The following TMCC1 variants were observed in gnomAD, a reference collection of about 807,000 sequenced individuals.
TMCC1 encodes transmembrane and coiled-coil domain family 1, also known as transmembrane and coiled-coil domains protein 1.
A neutral mutation model predicts 52.4 loss-of-function variants in TMCC1; 15 were observed. That is an observed-to-expected ratio of 0.29 (90% CI 0.19 to 0.44). The LOEUF is 0.44. TMCC1 is among the 20% of genes least tolerant of loss of function. The pLI, the probability that TMCC1 is intolerant of heterozygous loss-of-function variation, is 1.00. For synonymous variants in TMCC1, 279 were observed against 301.9 expected, an observed-to-expected ratio of 0.92 and a Z score of 0.79; for missense variants, 503 against 806.0, an observed-to-expected ratio of 0.62 and a Z score of 4.55.
At chr3:129,854,758 C>T (rs2060077073) in intron 2 of TMCC1, among the ~76,000 whole-genome samples, 1 of 152,200 alleles carries the variant, frequency 6.6e-6, no homozygotes. Context: ...CTTGAGGATG[C>T]CTTCTCTAAT....
intron 5 of TMCC1, among the ~76,000 whole-genome samples, chr3:129,655,886 A>G (rs756337535): frequency 2.9e-4 from 44 of 152,318 alleles, no homozygotes; most frequent in Middle Eastern, 3.4e-3. Flanking sequence ...CCCAGCCTAG[A>G]AAAGGTTTAA....
At chr3:129,760,358 C>T (rs1425055017) in intron 4 of TMCC1, among the ~76,000 whole-genome samples, 1 of 151,944 alleles carries the variant, frequency 6.6e-6, no homozygotes, top group Non-Finnish European at 1.5e-5. Context: ...ACCTCAGCCT[C>T]CTGAACAGCT....
chr3:129,707,334 G>A (rs1009577681), intron 4 of TMCC1, among the ~76,000 whole-genome samples: 1 of 152,130 alleles, frequency 6.6e-6, no homozygotes, highest in Non-Finnish European at 1.5e-5. Flanking sequence ...TCCCAAATGA[G>A]AATTGAAAGG....
intron 4 of TMCC1, among the ~76,000 whole-genome samples, chr3:129,720,065 C>T (rs1353241996): frequency 4.0e-5 from 6 of 151,408 alleles, no homozygotes; most frequent in Non-Finnish European, 1.5e-5. Context: ...TTTTGTGGTC[C>T]CAGCTACTCA....
At chr3:129,810,364 A>T (rs1020075033) in intron 4 of TMCC1, among the ~76,000 whole-genome samples, 2 of 152,092 alleles carry the variant, frequency 1.3e-5, no homozygotes, top group African/African-American at 4.8e-5. Flanking sequence ...AAAACAAAAC[A>T]AAACTAAGCA....
intron 2 of TMCC1, chr3:129,866,945 T>A (rs2060677266): frequency 6.6e-6 from 1 of 152,158 alleles, no homozygotes; most frequent in South Asian, 2.1e-4. Flanking sequence ...AACAAATTCT[T>A]TATCAACAAT....
intron 2 of TMCC1, among the ~76,000 whole-genome samples, chr3:129,878,420 T>C (rs1020376850): frequency 3.9e-5 from 6 of 152,200 alleles, no homozygotes. Flanking sequence ...CCTTAACTCT[T>C]TCCTTTCTTT....
chr3:129,775,142 G>A (rs2054927335), intron 4 of TMCC1, among the ~76,000 whole-genome samples: 1 of 152,076 alleles, frequency 6.6e-6, no homozygotes, highest in African/African-American at 2.4e-5. Context: ...TGGTGGGGGT[G>A]TATGCAGATA....
chr3:129,872,678 G>A (rs184391556), intron 2 of TMCC1, among the ~76,000 whole-genome samples: 1 of 152,214 alleles, frequency 6.6e-6, no homozygotes, highest in East Asian at 1.9e-4. Context: ...GACACAGGGA[G>A]GCTGAAAAGC....
chr3:129,838,520 C>T (rs1443312012), intron 2 of TMCC1, among the ~76,000 whole-genome samples: 4 of 151,826 alleles, frequency 2.6e-5, no homozygotes, highest in Non-Finnish European at 4.4e-5. Flanking sequence ...TTTGGGAGGC[C>T]GAGACGGGCA....
intron 2 of TMCC1, among the ~76,000 whole-genome samples, chr3:129,846,072 C>T (rs574890400): frequency 3.9e-5 from 6 of 151,916 alleles, no homozygotes; most frequent in African/African-American, 1.4e-4. Context: ...AAACATCAAA[C>T]ATCATGTGAC....
intron 4 of TMCC1, among the ~76,000 whole-genome samples, chr3:129,780,328 C>T (rs931761146): frequency 6.6e-6 from 1 of 152,072 alleles, no homozygotes. Flanking sequence ...ATGATGATCT[C>T]CAGGGTCTCT....
At chr3:129,736,577 A>C (rs2050986427) in intron 4 of TMCC1, among the ~76,000 whole-genome samples, 1 of 149,612 alleles carries the variant, frequency 6.7e-6, no homozygotes, top group Non-Finnish European at 1.5e-5. Context: ...GCTGGAATGC[A>C]ATGGCACAAT....
At chr3:129,655,904 G>A (rs1014686026) in intron 5 of TMCC1, among the ~76,000 whole-genome samples, 1 of 152,222 alleles carries the variant, frequency 6.6e-6, no homozygotes, top group African/African-American at 2.4e-5. Context: ...TAAAGGATGA[G>A]ATCAGAGATT....
At chr3:129,875,952 G>A (rs573844159) in intron 2 of TMCC1, among the ~76,000 whole-genome samples, 5 of 152,158 alleles carry the variant, frequency 3.3e-5, no homozygotes, top group Non-Finnish European at 5.9e-5. Context: ...TGACCAACAC[G>A]GAGAAACCCC....
At chr3:129,681,315 A>G (rs919900785) in intron 4 of TMCC1, among the ~76,000 whole-genome samples, 6 of 152,204 alleles carry the variant, frequency 3.9e-5, no homozygotes, top group South Asian at 4.1e-4. Context: ...ATATTTTATA[A>G]AGCAGTAAAT....
At chr3:129,858,070 TG>T (rs2060224523) in intron 2 of TMCC1, among the ~76,000 whole-genome samples, 1 of 150,518 alleles carries the variant, frequency 6.6e-6, no homozygotes, top group Non-Finnish European at 1.5e-5. Flanking sequence ...AGTTTTACAA[TG>T]CTAACACAAC....
At chr3:129,720,626 C>A (rs1023802672) in intron 4 of TMCC1, among the ~76,000 whole-genome samples, 25 of 152,272 alleles carry the variant, frequency 1.6e-4, no homozygotes, top group African/African-American at 6.0e-4. Flanking sequence ...AGCCTAAGAA[C>A]CACCTAGTGG....
chr3:129,854,717 C>T (rs2060074590), intron 2 of TMCC1, among the ~76,000 whole-genome samples: 1 of 152,178 alleles, frequency 6.6e-6, no homozygotes, highest in Non-Finnish European at 1.5e-5. Flanking sequence ...AACATCTACT[C>T]CTCCTTCAGA....
Sources: gnomAD v4.1 joint callset for allele counts (sites outside exome capture counted in the v4.1 genomes callset) on GRCh38, gnomAD v4.1.1 for gene constraint, MANE v1.5 for transcripts, NCBI Gene and HGNC (gene_info 2026-07-23, HGNC 2026-07-21) for gene names.